The following NEIL3 variants were observed in gnomAD, a reference collection of about 807,000 sequenced individuals.
NEIL3 encodes endonuclease 8-like 3.
In NEIL3, 48 loss-of-function variants were observed where a neutral mutation model predicts 57.5. The observed-to-expected ratio is 0.83, with a 90% CI of 0.66 to 1.06. The LOEUF (loss-of-function observed/expected upper bound fraction) is 1.06. Ranked by LOEUF, NEIL3 falls within the 50% of genes least tolerant of loss-of-function variation. NEIL3 has a pLI of 0.00. For synonymous variants in NEIL3, 261 were observed against 253.2 expected (o/e 1.03, Z -0.29); for missense variants, 717 against 739.1 (o/e 0.97, Z 0.35).
chr4:177,323,327 G>A (rs1734722746), intron 2 of NEIL3, among the ~76,000 whole-genome samples: 1 of 152,130 alleles, frequency 6.6e-6, no homozygotes. Context: ...CGTTTTTAGT[G>A]CTGTTTAAAG....
At chr4:177,318,636 T>C (rs1485299484) in intron 1 of NEIL3, among the ~76,000 whole-genome samples, 1 of 152,212 alleles carries the variant, frequency 6.6e-6, no homozygotes, top group Non-Finnish European at 1.5e-5. Flanking sequence ...GCCTGGATCA[T>C]GGCTCACTTA....
intron 6 of NEIL3, among the ~76,000 whole-genome samples, chr4:177,347,119 C>G (rs528995448): frequency 2.0e-5 from 3 of 152,148 alleles, no homozygotes; most frequent in African/African-American, 7.2e-5. Flanking sequence ...CGGATAGTGA[C>G]GGAGACGGCT....
At position 177,353,474 on chromosome 4, in the gene NEIL3, G is replaced by T. The variant is rs1284684084; in HGVS notation, c.1206G>T (p.Leu402Phe). Residue 402 changes from leucine to phenylalanine, a missense_variant, in exon 8 of 10, where the codon TTG (leucine) becomes TTT (phenylalanine). Leu to Phe is a conservative substitution (Grantham distance 22). Transcript: ENST00000264596. ...ATTTTAGCAATAAATCCAGTACTTTGGAAAGAAAAACAAAGCAAAACCAGA... is the reference window on the plus strand; with the variant it reads ...ATTTTAGCAATAAATCCAGTACTTTTGAAAGAAAAACAAAGCAAAACCAGA... ...LTDFSNKSST[L>F]ERKTKQNQIL... The T allele has an allele frequency of 6.2e-7, 1 of 1,613,738 alleles. No homozygotes were observed. The highest frequency in any genetic ancestry group is 2.2e-5 in the East Asian group (1 of 44,850).
chr4:177,341,793 T>C (rs1171976003), intron 6 of NEIL3, 151 bp downstream of exon 6: 3 of 701,118 alleles, frequency 4.3e-6, no homozygotes, highest in African/African-American at 3.6e-5. Flanking sequence ...TAGTAAATAA[T>C]GTCACCAAAG....
rs187831827 is a variant in NEIL3, at chr4:177,336,683, G to A, written c.627+362G>A. Among the ~76,000 whole-genome samples the A allele has an allele frequency of 3.8e-3, 577 of 152,294 alleles. 2 individuals are homozygous for A. Among genetic ancestry groups the A allele is most frequent in the African/African-American group, 0.013 (536 of 41,562 alleles). On this transcript the variant is annotated intron_variant, in intron 4 of 9. Coordinates refer to ENST00000264596, the MANE Select transcript of NEIL3 (RefSeq NM_018248.3). Reference sequence around the variant, plus strand: ...GAACACAGTCTCAAAAGGAAACAAGGCTTTTGTTCACTGAAGTATCCCAAC... The same window carrying A: ...GAACACAGTCTCAAAAGGAAACAAGACTTTTGTTCACTGAAGTATCCCAAC...
chr4:177,339,739 G>A (rs759910223), intron 4 of NEIL3, 44 bp from the exon 5 acceptor site: 1 of 1,284,530 alleles, frequency 7.8e-7, no homozygotes. Flanking sequence ...TTACAGTAAT[G>A]AGCAAGTCAT....
chr4:177,357,007 C>G (rs1261281831), intron 8 of NEIL3: 1 of 152,160 alleles, frequency 6.6e-6, no homozygotes, highest in Admixed American at 6.5e-5. Flanking sequence ...TTGCTGCCGT[C>G]AGGGATGTTG....
At chr4:177,310,715 G>C (rs1373071214) in intron 1 of NEIL3, among the ~76,000 whole-genome samples, 1 of 152,134 alleles carries the variant, frequency 6.6e-6, no homozygotes, top group African/African-American at 2.4e-5. Flanking sequence ...TTGCCACTCA[G>C]GCATTCATTG....
intron 1 of NEIL3, 116 bp downstream of exon 1, chr4:177,310,225 G>A: frequency 8.6e-7 from 1 of 1,156,504 alleles, no homozygotes. Flanking sequence ...GTTTCCTGGG[G>A]TCCCACCTTT....
intron 3 of NEIL3, 106 bp downstream of exon 3, chr4:177,335,928 A>G (rs914591246): frequency 1.7e-6 from 2 of 1,177,278 alleles, no homozygotes; most frequent in South Asian, 1.7e-5. Flanking sequence ...TTTGTAATTG[A>G]TGAAACCTCA....
At chr4:177,356,803 T>C (rs531715957) in intron 8 of NEIL3, among the ~76,000 whole-genome samples, 134 of 152,246 alleles carry the variant, frequency 8.8e-4, no homozygotes, top group African/African-American at 3.0e-3. Flanking sequence ...ATTGAACCCA[T>C]TTTTAAACAG....
Position 177,322,537 on chromosome 4 carries a change from T to C in NEIL3, c.235T>C (p.Leu79=). The C allele has an allele frequency of 6.2e-6, 10 of 1,613,918 alleles. No individual in the cohort carries two copies. The highest frequency in any genetic ancestry group is 8.5e-6 in the Non-Finnish European group (10 of 1,179,864). The change falls in exon 2 of 10, where the codon TTG becomes CTG. Residue 79 remains leucine (L), a synonymous_variant. Coordinates refer to ENST00000264596, the MANE Select transcript of NEIL3 (RefSeq NM_018248.3). ...NGYVYSGVET[L]GKELFMYFGP... is the part of the protein sequence containing the mutation. Reference sequence around the variant, plus strand: ...ATATGTTTACAGTGGCGTGGAAACTTTGGGGAAGGAGCTCTTTATGTACTT... The same window carrying C: ...ATATGTTTACAGTGGCGTGGAAACTCTGGGGAAGGAGCTCTTTATGTACTT...
At chr4:177,354,066 T>C (rs13140743) in intron 8 of NEIL3, 152,994 of 203,314 alleles carry the variant, frequency 0.75, 58,328 homozygotes, top group Middle Eastern at 0.78. Context: ...CATGCCCGGC[T>C]GGTTGCATTA....
At chr4:177,369,928 C>T in the NEIL3 span, among the ~76,000 whole-genome samples, 2 of 152,156 alleles carry the variant, frequency 1.3e-5, no homozygotes, top group Non-Finnish European at 2.9e-5. Context: ...AATAGCCCTG[C>T]TACTGTTATG....
chr4:177,356,092 C>T (rs1011203176), intron 8 of NEIL3, among the ~76,000 whole-genome samples: 1 of 152,124 alleles, frequency 6.6e-6, no homozygotes, highest in Non-Finnish European at 1.5e-5. Flanking sequence ...CATTTCCAAA[C>T]AGTCTTTTCT....
At chr4:177,310,183 A>G (rs1734450601) in intron 1 of NEIL3, 74 bp downstream of exon 1, 1 of 1,389,292 alleles carries the variant, frequency 7.2e-7, no homozygotes, top group Non-Finnish European at 9.4e-7. Context: ...GGGTTCCAGG[A>G]TTTAAAGTGT....
chr4:177,312,764 A>T (rs891086928), intron 1 of NEIL3, among the ~76,000 whole-genome samples: 1 of 152,164 alleles, frequency 6.6e-6, no homozygotes, highest in Non-Finnish European at 1.5e-5. Context: ...GGTTCTATGG[A>T]CACTGGATTT....
chr4:177,358,070 T>A (rs1336578609), intron 8 of NEIL3, among the ~76,000 whole-genome samples: 1 of 152,208 alleles, frequency 6.6e-6, no homozygotes, highest in Non-Finnish European at 1.5e-5. Context: ...GCCAGTGTGA[T>A]ACAGGTGGCA....
intron 6 of NEIL3, among the ~76,000 whole-genome samples, chr4:177,342,368 G>A (rs10021940): frequency 0.19 from 28,558 of 151,920 alleles, 2,789 homozygotes; most frequent in Non-Finnish European, 0.22. Flanking sequence ...AGATTATGCA[G>A]TAGAAAGCAG....
Sources: allele counts gnomAD v4.1 joint callset (sites outside exome capture counted in the v4.1 genomes callset), GRCh38; gene constraint gnomAD v4.1.1; transcripts MANE v1.5; gene names NCBI Gene and HGNC (gene_info 2026-07-23, HGNC 2026-07-21).